LRRC37A2: variants seen among roughly 807,000 people sequenced by gnomAD.
The protein encoded by LRRC37A2 is leucine rich repeat containing 37 member A2.
Under a neutral mutation model 68.8 loss-of-function variants are expected in LRRC37A2, and 9 were observed. The observed-to-expected ratio is 0.13, with a 90% CI of 0.08 to 0.23. The LOEUF (loss-of-function observed/expected upper bound fraction) is 0.23, where lower values mean the gene tolerates loss of function less well. LRRC37A2 is among the 10% of genes least tolerant of loss of function. LRRC37A2 has a pLI of 1.00. For synonymous variants in LRRC37A2, 63 were observed against 367.6 expected (o/e 0.17, Z 9.48); for missense variants, 168 against 950.4 (o/e 0.18, Z 10.82).
the LRRC37A2 span, among the ~76,000 whole-genome samples, chr17:46,739,732 AT>A: frequency 0.15 from 22,383 of 147,042 alleles, 3,288 homozygotes; most frequent in East Asian, 0.6. Flanking sequence ...TTTTTTTCTG[AT>A]TTTTTTTTTT....
chr17:46,905,878 C>G, the LRRC37A2 span, among the ~76,000 whole-genome samples: 1 of 151,734 alleles, frequency 6.6e-6, no homozygotes, highest in Admixed American at 6.6e-5. Flanking sequence ...CCCTCCAGAC[C>G]AGGGTCCTCA....
intron 11 of LRRC37A2, among the ~76,000 whole-genome samples, chr17:46,551,042 T>C (rs2056749262): frequency 6.7e-6 from 1 of 149,964 alleles, no homozygotes; most frequent in South Asian, 2.1e-4. Flanking sequence ...TAGCCATCTT[T>C]TACAAAAATT....
chr17:46,516,123 A>T (rs1391574748), intron 2 of LRRC37A2, among the ~76,000 whole-genome samples: 2 of 146,990 alleles, frequency 1.4e-5, no homozygotes, highest in Non-Finnish European at 3.0e-5. Flanking sequence ...ACATGGTGAA[A>T]CCCCATCTCT....
At chr17:46,495,009 G>A in the LRRC37A2 span, among the ~76,000 whole-genome samples, 1 of 149,566 alleles carries the variant, frequency 6.7e-6, no homozygotes, top group African/African-American at 2.5e-5. Context: ...TCATTCTACT[G>A]CCTATCTCCA....
chr17:46,987,672 C>T, the LRRC37A2 span, among the ~76,000 whole-genome samples: 1 of 152,048 alleles, frequency 6.6e-6, no homozygotes, highest in African/African-American at 2.4e-5. Flanking sequence ...CAAATATACA[C>T]ACATGCATGT....
At chr17:46,781,326 C>T in the LRRC37A2 span, among the ~76,000 whole-genome samples, 4 of 151,108 alleles carry the variant, frequency 2.6e-5, no homozygotes, top group South Asian at 2.1e-4. Flanking sequence ...AAGCCAGACA[C>T]GGAAGAACAA....
At chr17:46,768,438 C>T in the LRRC37A2 span, 1 of 1,614,094 alleles carries the variant, frequency 6.2e-7, no homozygotes, top group Non-Finnish European at 8.5e-7. The surrounding 1 kb of genome is among the most constrained non-coding windows in gnomAD (Gnocchi z 5.0). Context: ...GTTGTGGCCC[C>T]GGCCACAGCA....
the LRRC37A2 span, chr17:46,941,006 G>A: frequency 8.8e-7 from 1 of 1,133,152 alleles, no homozygotes; most frequent in South Asian, 2.3e-5. Flanking sequence ...GCACCCTCTA[G>A]TGGAGGCGGG....
chr17:46,737,686 T>G, the LRRC37A2 span, among the ~76,000 whole-genome samples: 1 of 151,210 alleles, frequency 6.6e-6, no homozygotes, highest in East Asian at 1.9e-4. Context: ...ATGCATAGAG[T>G]TAGGTTTTAT....
the LRRC37A2 span, among the ~76,000 whole-genome samples, chr17:47,039,090 T>C: frequency 4.6e-5 from 7 of 151,496 alleles, 1 homozygote; most frequent in Non-Finnish European, 1.5e-5. Context: ...ATCTAGAATA[T>C]CTTAATTTCT....
the LRRC37A2 span, among the ~76,000 whole-genome samples, chr17:46,707,350 ACT>A: frequency 1.3e-5 from 2 of 151,978 alleles, no homozygotes; most frequent in East Asian, 1.9e-4. Context: ...TTCTTTATAT[ACT>A]CTTTTTTTCT....
the LRRC37A2 span, among the ~76,000 whole-genome samples, chr17:46,954,962 A>C: frequency 6.6e-6 from 1 of 152,018 alleles, no homozygotes; most frequent in Admixed American, 6.5e-5. Context: ...TGTCATCTGC[A>C]AACAGGGACA....
At chr17:46,751,508 G>A in the LRRC37A2 span, 2 of 1,612,868 alleles carry the variant, frequency 1.2e-6, no homozygotes. Flanking sequence ...TGTAGCTTTT[G>A]GGCAACTTCA....
chr17:47,035,849 T>C, the LRRC37A2 span, among the ~76,000 whole-genome samples: 2,462 of 152,242 alleles, frequency 0.016, 36 homozygotes, highest in Middle Eastern at 0.027. Context: ...CTCATAGCCA[T>C]CCCAGTGAGT....
the LRRC37A2 span, chr17:46,936,282 G>A: frequency 1.0e-5 from 10 of 985,296 alleles, no homozygotes; most frequent in Non-Finnish European, 1.2e-5. Context: ...GGCCTTTTAG[G>A]ACCAAACTCC....
the LRRC37A2 span, among the ~76,000 whole-genome samples, chr17:46,826,368 C>T: frequency 2.5e-3 from 384 of 152,382 alleles, 1 homozygote; most frequent in African/African-American, 8.7e-3. Context: ...AGGGCCTAGG[C>T]ACAGCTGGCA....
At chr17:46,867,208 G>GTACCCTGTGC in the LRRC37A2 span, among the ~76,000 whole-genome samples, 1 of 152,224 alleles carries the variant, frequency 6.6e-6, no homozygotes, top group Non-Finnish European at 1.5e-5. Flanking sequence ...GGGCAGGACC[G>GTACCCTGTGC]TGTCCCAGCA....
At chr17:46,872,825 G>A in the LRRC37A2 span, 13 of 1,505,546 alleles carry the variant, frequency 8.6e-6, no homozygotes, top group African/African-American at 1.8e-4. Flanking sequence ...AGCCTTCAGG[G>A]AGGAGGAGGC....
the LRRC37A2 span, among the ~76,000 whole-genome samples, chr17:46,922,618 A>G: frequency 5.3e-5 from 8 of 152,156 alleles, no homozygotes; most frequent in East Asian, 1.3e-3. Context: ...GGTTTTCCCT[A>G]CTTTACACAT....
Sources: gnomAD v4.1 joint callset for allele counts (sites outside exome capture counted in the v4.1 genomes callset) on GRCh38, gnomAD v4.1.1 for gene constraint, Gnocchi (gnomAD v3.1) non-coding constraint, MANE v1.5 for transcripts, NCBI Gene and HGNC (gene_info 2026-07-23, HGNC 2026-07-21) for gene names.